The following POLR1A variants were observed in gnomAD, a reference collection of about 807,000 sequenced individuals.
POLR1A encodes the protein DNA-directed RNA polymerase I subunit RPA1.
POLR1A carries 84 observed loss-of-function variants against 205.3 expected under a neutral mutation model. That is an observed-to-expected ratio of 0.41 (90% CI 0.34 to 0.49). The LOEUF is 0.49. Among genes scored for constraint, POLR1A ranks in the 20% least tolerant of loss-of-function variants. The pLI is 0.22. For missense variants in POLR1A, 1,645 were observed against 2,204.5 expected, an observed-to-expected ratio of 0.75 and a Z score of 5.08; for synonymous variants, 799 against 863.7, an observed-to-expected ratio of 0.93 and a Z score of 1.31.
chr2:86,055,291 T>C (rs1385249009), intron 14 of POLR1A, among the ~76,000 whole-genome samples: 1 of 139,916 alleles, frequency 7.1e-6, no homozygotes, highest in Non-Finnish European at 1.6e-5. Context: ...TGGAACTCTG[T>C]CTCAAGAAAA....
At chr2:86,098,506 G>C in intron 3 of POLR1A, 105 bp downstream of exon 3, 2 of 1,133,934 alleles carry the variant, frequency 1.8e-6, no homozygotes, top group Non-Finnish European at 2.6e-6. Flanking sequence ...AAGATCAAAC[G>C]TTCTGATGAC....
chr2:86,070,242 G>C lies in POLR1A; in HGVS notation c.1642C>G (p.Leu548Val), dbSNP rs1318988175. The C allele has an allele frequency of 3.1e-6, 5 of 1,612,954 alleles. No individual in the cohort carries two copies. The African/African-American group carries it at 6.7e-5, about 21-fold the overall frequency. The change falls in exon 13 of 34, where the codon CTG becomes GTG. Residue 548 changes from leucine to valine, a missense_variant. Transcript: ENST00000263857. This position sits in a 1 kb window ranked among gnomAD's most constrained non-coding sequence, Gnocchi z 4.4. ...VCRHVKNGDI[L>V]LLNRQPTLHR... ...AGTGTGGGCTGTCGGTTCAGTAGCA[G>C]AATGTCCCCATTCTTCACATGCCGG... is the stretch of plus-strand genomic sequence containing the variant.
At position 86,023,140 on chromosome 2, in the gene POLR1A, G is replaced by A. The variant is rs751088681; in HGVS notation, c.*4283C>T. 1 of 152,240 alleles carries A rather than the reference G, an allele frequency of 6.6e-6. No individual in the cohort carries two copies. The highest frequency in any genetic ancestry group is 1.5e-5 in the Non-Finnish European group (1 of 68,052). 9.4% of individuals were successfully genotyped at this position (152,240 alleles called of 1,614,324 possible). On this transcript the variant is annotated 3_prime_UTR_variant, in exon 34 of 34. Coordinates refer to ENST00000263857, the MANE Select transcript of POLR1A (RefSeq NM_015425.6). ...GACGGAAGTGGGGTGGAGGTTGATG[G>A]TGTAGGAACTTTGGAATTTTTGACT... is the stretch of plus-strand genomic sequence containing the variant.
At chr2:86,029,753 T>C (rs528311413) in intron 31 of POLR1A, among the ~76,000 whole-genome samples, 204 of 150,982 alleles carry the variant, frequency 1.4e-3, no homozygotes, top group Middle Eastern at 0.01. Context: ...CCCGTCACCA[T>C]GCCCGGCTAT....
chr2:86,065,246 C>T, intron 14 of POLR1A, 28 bp downstream of exon 14: 1 of 1,597,620 alleles, frequency 6.3e-7, no homozygotes, highest in Non-Finnish European at 8.6e-7. Flanking sequence ...CCTTTTGTTA[C>T]ATACACTGGC....
chr2:86,037,370 T>C (rs895903679), intron 27 of POLR1A, among the ~76,000 whole-genome samples: 7 of 152,220 alleles, frequency 4.6e-5, no homozygotes, highest in African/African-American at 1.7e-4. Context: ...TGAGTTCACA[T>C]CCAAGCTCCT....
chr2:86,065,057 G>A (rs1673062743), intron 14 of POLR1A, among the ~76,000 whole-genome samples: 1 of 152,058 alleles, frequency 6.6e-6, no homozygotes, highest in African/African-American at 2.4e-5. Context: ...TTACAGGTGT[G>A]AGCCACTGCA....
chr2:86,058,718 C>T (rs969061000), intron 14 of POLR1A, among the ~76,000 whole-genome samples: 2 of 151,786 alleles, frequency 1.3e-5, no homozygotes, highest in African/African-American at 4.8e-5. Flanking sequence ...TATACTAAGC[C>T]TGTATTAACC....
At chr2:86,039,750 T>C (rs1157314642) in intron 25 of POLR1A, among the ~76,000 whole-genome samples, 2 of 152,194 alleles carry the variant, frequency 1.3e-5, no homozygotes, top group Non-Finnish European at 2.9e-5. Flanking sequence ...CTGCTGACGC[T>C]TACTGAATGA....
chr2:86,054,735 G>GGGGTC (rs1419124885), intron 14 of POLR1A, among the ~76,000 whole-genome samples: 1 of 152,220 alleles, frequency 6.6e-6, no homozygotes, highest in Non-Finnish European at 1.5e-5. Context: ...ATCCCTCAGA[G>GGGGTC]GGGTCATCCA....
rs766789503 is a variant in POLR1A at position 86,027,416 on chromosome 2, G to A, written c.*7C>T. On this transcript the variant is annotated 3_prime_UTR_variant, in exon 34 of 34. Coordinates refer to ENST00000263857, the MANE Select transcript of POLR1A (RefSeq NM_015425.6). ...TTGGAGCTGGGCAGATGGTGCCGGGGTAGCTGCTATCTCAGAGGCTGCTTG... is the reference window on the plus strand; with the variant it reads ...TTGGAGCTGGGCAGATGGTGCCGGGATAGCTGCTATCTCAGAGGCTGCTTG... 4 of 1,611,762 alleles carry A rather than the reference G, an allele frequency of 2.5e-6. No homozygotes were observed. Among genetic ancestry groups the A allele is most frequent in the Non-Finnish European group, 2.5e-6 (3 of 1,177,954 alleles).
At chr2:86,071,759 C>A (rs1673184065) in intron 12 of POLR1A, among the ~76,000 whole-genome samples, 1 of 152,204 alleles carries the variant, frequency 6.6e-6, no homozygotes, top group Non-Finnish European at 1.5e-5. Context: ...AAGACACTTA[C>A]CACCCTTATC....
intron 16 of POLR1A, among the ~76,000 whole-genome samples, chr2:86,052,587 T>C (rs1019611362): frequency 6.6e-6 from 1 of 152,206 alleles, no homozygotes; most frequent in Non-Finnish European, 1.5e-5. Flanking sequence ...ATGAAGCATA[T>C]GGTCTACAAA....
At chr2:86,099,390 C>T (rs928637873) in intron 2 of POLR1A, among the ~76,000 whole-genome samples, 16 of 150,374 alleles carry the variant, frequency 1.1e-4, no homozygotes, top group Admixed American at 2.7e-4. Context: ...CTCTTTAACA[C>T]GATTAACAGA....
chr2:86,104,791 T>C lies in POLR1A; in HGVS notation c.77+909A>G, dbSNP rs139506807. Among the ~76,000 whole-genome samples, 181 of 152,356 alleles carry C rather than the reference T, an allele frequency of 1.2e-3. 1 individual carries two copies. The highest frequency in any genetic ancestry group is 3.4e-3 in the Middle Eastern group (1 of 294). ...CATTTAGGCCATGTTGAGTTTTTGA[T>C]ATGCATTTAAGATCTCTGTGTGAAA... On this transcript the variant is annotated intron_variant, in intron 1 of 33. Coordinates refer to ENST00000263857, the MANE Select transcript of POLR1A (RefSeq NM_015425.6).
At position 86,053,112 on chromosome 2, in the gene POLR1A, C is replaced by T. The variant is rs542109454; in HGVS notation, c.2209-112G>A. ...TTGTGCAAGTCCCTCTACTGTGACC[C>T]GCCTAGAATCCTTCATGGAAAAAAG... On this transcript the variant is annotated intron_variant, in intron 15 of 33. Coordinates refer to ENST00000263857, the MANE Select transcript of POLR1A (RefSeq NM_015425.6). The T allele has an allele frequency of 6.0e-5, 35 of 580,498 alleles. 1 individual carries two copies. In the South Asian group the frequency reaches 1.7e-3, roughly 28 times the overall value. The allele number at this position is 580,498 out of a possible 1,614,324, so 36.0% of individuals were successfully genotyped here. A position where few individuals can be genotyped will look rare whatever the true frequency, so the allele number is the denominator to read the frequency against.
rs754174505 is a variant in POLR1A at position 86,065,448 on chromosome 2, C to T, written c.1884G>A (p.Ala628=). 1.1e-5 allele frequency: 17 copies of T among 1,612,722 alleles called. No homozygotes were observed. Among genetic ancestry groups the T allele is most frequent in the African/African-American group, 8.0e-5 (6 of 74,814 alleles). The change falls in exon 14 of 34, where the codon GCG becomes GCA. Residue 628 remains alanine, a synonymous_variant. Transcript: ENST00000263857. ...AAACCATGTGATCCTGGATCAGTCC[C>T]GCCAATGGTTGGCCATCCTATAAGC... ...YLVPKDGQPL[A]GLIQDHMVSG... is the part of the protein sequence containing the mutation.
At chr2:86,082,334 A>G (rs1673419104) in intron 7 of POLR1A, among the ~76,000 whole-genome samples, 1 of 152,102 alleles carries the variant, frequency 6.6e-6, no homozygotes, top group Admixed American at 6.6e-5. Context: ...CACACACATC[A>G]TTACTTTGAT....
At position 86,034,086 on chromosome 2, in the gene POLR1A, G is replaced by T. The variant is rs531579326; in HGVS notation, c.4035-299C>A. ...AAGCCCCATTGTCTAGAAAATATGGGAATTACTACGTATTCTGCAATCTTG... is the reference window on the plus strand; with the variant it reads ...AAGCCCCATTGTCTAGAAAATATGGTAATTACTACGTATTCTGCAATCTTG... On this transcript the variant is annotated intron_variant, in intron 27 of 33. Coordinates refer to ENST00000263857, the MANE Select transcript of POLR1A (RefSeq NM_015425.6). 8.7e-4 allele frequency among the ~76,000 whole-genome samples: 132 copies of T among 152,342 alleles called. 1 individual carries two copies. The highest frequency in any genetic ancestry group is 8.8e-4 in the Non-Finnish European group (60 of 68,030).
Sources: allele counts gnomAD v4.1 joint callset (sites outside exome capture counted in the v4.1 genomes callset), GRCh38; gene constraint gnomAD v4.1.1; non-coding constraint Gnocchi (gnomAD v3.1); transcripts MANE v1.5; gene names NCBI Gene and HGNC (gene_info 2026-07-23, HGNC 2026-07-21).